Variants in CLEC4A observed in about 807,000 individuals in gnomAD.
The protein encoded by CLEC4A is C-type lectin domain family 4 member A.
CLEC4A carries 27 observed loss-of-function variants against 32.7 expected under a neutral mutation model. The ratio of observed to expected loss-of-function variants is 0.83; its 90% CI spans 0.61 to 1.14. The LOEUF (loss-of-function observed/expected upper bound fraction) is 1.14. Among genes scored for constraint, CLEC4A ranks in the 50% most tolerant of loss-of-function variants. CLEC4A has a pLI of 0.00. For synonymous variants in CLEC4A, 89 were observed against 93.7 expected (o/e 0.95, Z 0.29); for missense variants, 253 against 274.6 (o/e 0.92, Z 0.55).
intron 4 of CLEC4A, 149 bp from the exon 5 acceptor site, chr12:8,136,639 C>G: frequency 1.8e-6 from 1 of 544,578 alleles, no homozygotes; most frequent in Non-Finnish European, 3.4e-6. Context: ...TGATTCTGCC[C>G]TGCTCAGCCA....
At chr12:8,117,775 G>C in the CLEC4A span, among the ~76,000 whole-genome samples, 1 of 152,150 alleles carries the variant, frequency 6.6e-6, no homozygotes, top group Admixed American at 6.5e-5. Context: ...GCAAATGCCT[G>C]GATTTGCAGC....
chr12:8,125,715 G>A (rs1378262085), intron 2 of CLEC4A, 38 bp downstream of exon 2: 3 of 1,202,962 alleles, frequency 2.5e-6, no homozygotes, highest in African/African-American at 1.5e-5. Context: ...AATATCTGCT[G>A]TCCATGAACA....
At chr12:8,114,421 G>T in the CLEC4A span, among the ~76,000 whole-genome samples, 2 of 151,556 alleles carry the variant, frequency 1.3e-5, no homozygotes, top group African/African-American at 2.4e-5. Flanking sequence ...ATTTTTTGTA[G>T]TTTTAGTAGA....
chr12:8,114,408 C>G, the CLEC4A span, among the ~76,000 whole-genome samples: 5 of 152,102 alleles, frequency 3.3e-5, no homozygotes, highest in Non-Finnish European at 5.9e-5. Flanking sequence ...CCACGCCCGG[C>G]TAATTTTTTG....
rs760500905 is a variant in CLEC4A at position 8,138,207 on chromosome 12, C to A, written c.634C>A (p.Pro212Thr). The A allele has an allele frequency of 1.2e-6, 2 of 1,614,032 alleles. No individual in the cohort carries two copies. Among genetic ancestry groups the A allele is most frequent in the Admixed American group, 1.7e-5 (1 of 59,990 alleles). Residue 212 changes from proline (P) to threonine (T), a missense_variant, in exon 6 of 6, where the codon CCC becomes ACC. Physicochemically the swap from Pro to Thr is conservative, Grantham distance 38. Coordinates refer to ENST00000229332, the MANE Select transcript of CLEC4A (RefSeq NM_016184.4). ...RCVVLNFRKS[P>T]KRWGWNDVNC... The stretch of plus-strand genomic sequence containing the variant: ...CGTTGTGCTAAATTTTCGTAAATCA[C>A]CCAAAAGATGGGGCTGGAATGATGT...
At chr12:8,122,727 G>A (rs1457104997), upstream of CLEC4A, among the ~76,000 whole-genome samples, 2 of 152,138 alleles carry the variant, frequency 1.3e-5, no homozygotes, top group South Asian at 4.1e-4. Context: ...GAAACTTGTG[G>A]TGTTAGATTG....
intron 2 of CLEC4A, among the ~76,000 whole-genome samples, chr12:8,126,657 C>A (rs1317924659): frequency 6.6e-6 from 1 of 152,132 alleles, no homozygotes; most frequent in Non-Finnish European, 1.5e-5. Context: ...AGAGCCACAG[C>A]CCCTGGTCTC....
upstream of CLEC4A, among the ~76,000 whole-genome samples, chr12:8,122,970 A>T (rs760397313): frequency 3.3e-5 from 5 of 152,034 alleles, no homozygotes; most frequent in Non-Finnish European, 7.4e-5. Flanking sequence ...CACATGAAGG[A>T]TTTAATATTT....
At chr12:8,126,975 T>G (rs1434026683) in intron 2 of CLEC4A, among the ~76,000 whole-genome samples, 1 of 152,210 alleles carries the variant, frequency 6.6e-6, no homozygotes, top group Non-Finnish European at 1.5e-5. Context: ...GTTTGGATTT[T>G]TTCCCTCCTA....
chr12:8,125,888 A>G (rs766756228), intron 2 of CLEC4A, among the ~76,000 whole-genome samples: 9 of 152,336 alleles, frequency 5.9e-5, no homozygotes, highest in African/African-American at 1.9e-4. Context: ...CTTCTCATTT[A>G]GAGAAACTGA....
At chr12:8,106,943 T>A in the CLEC4A span, among the ~76,000 whole-genome samples, 1 of 152,212 alleles carries the variant, frequency 6.6e-6, no homozygotes, top group East Asian at 1.9e-4. Flanking sequence ...GGTATCCGTG[T>A]CTTGTTCCAG....
the CLEC4A span, among the ~76,000 whole-genome samples, chr12:8,105,497 G>A: frequency 6.6e-6 from 1 of 152,044 alleles, no homozygotes; most frequent in South Asian, 2.1e-4. Context: ...CTACAGGTGT[G>A]TGCCACCACG....
intron 3 of CLEC4A, 42 bp from the exon 4 acceptor site, chr12:8,135,543 G>T (rs576434993): frequency 1.2e-6 from 2 of 1,603,286 alleles, no homozygotes; most frequent in African/African-American, 1.3e-5. Context: ...TTTTAAGAGT[G>T]ATTATTTATA....
At chr12:8,126,153 G>A (rs1947897667) in intron 2 of CLEC4A, among the ~76,000 whole-genome samples, 1 of 152,108 alleles carries the variant, frequency 6.6e-6, no homozygotes, top group African/African-American at 2.4e-5. Flanking sequence ...AAGACTGTGT[G>A]GGATCTAAAA....
chr12:8,135,834 C>A, intron 4 of CLEC4A, 98 bp downstream of exon 4: 2 of 1,284,596 alleles, frequency 1.6e-6, no homozygotes, highest in Non-Finnish European at 2.1e-6. Flanking sequence ...GATATTTGCG[C>A]TGTGGCAGAA....
Position 8,123,963 on chromosome 12 carries a change from A to T in CLEC4A, c.82+3A>T. 2 of 1,592,498 alleles carry T rather than the reference A, an allele frequency of 1.3e-6. No individual in the cohort carries two copies. The highest frequency in any genetic ancestry group is 1.7e-6 in the Non-Finnish European group (2 of 1,160,304). ...CATCAACACAGCCTCTTCTGCAGGT[A>T]AAGATCATTTTCTAGGGGTCAGAGT... On this transcript the variant is annotated splice_donor_region_variant and intron_variant, in intron 1 of 5. Transcript: ENST00000229332.
At chr12:8,134,317 G>T in intron 3 of CLEC4A, 1 of 1,611,938 alleles carries the variant, frequency 6.2e-7, no homozygotes, top group Non-Finnish European at 8.5e-7. Context: ...TCGTTTGGCT[G>T]AACACCTTCC....
the CLEC4A span, among the ~76,000 whole-genome samples, chr12:8,117,527 C>T: frequency 1.3e-5 from 2 of 152,010 alleles, no homozygotes; most frequent in East Asian, 1.9e-4. Flanking sequence ...GTGTGAGCCA[C>T]CGCACCCAGC....
At chr12:8,104,009 C>G in the CLEC4A span, among the ~76,000 whole-genome samples, 2 of 152,158 alleles carry the variant, frequency 1.3e-5, no homozygotes, top group Non-Finnish European at 2.9e-5. Context: ...AGTACATGCT[C>G]ATGAAGTACT....
Sources: allele counts gnomAD v4.1 joint callset (sites outside exome capture counted in the v4.1 genomes callset), GRCh38; gene constraint gnomAD v4.1.1; transcripts MANE v1.5; gene names NCBI Gene and HGNC (gene_info 2026-07-23, HGNC 2026-07-21).